Variants in TUBGCP5 observed in about 807,000 individuals in gnomAD.
The protein encoded by TUBGCP5 is tubulin gamma complex component 5.
A neutral mutation model predicts 134.7 loss-of-function variants in TUBGCP5; 98 were observed. That is an observed-to-expected ratio of 0.73 (90% CI 0.62 to 0.86). The LOEUF (loss-of-function observed/expected upper bound fraction) is 0.86, where lower values mean the gene tolerates loss of function less well. TUBGCP5 is among the 40% of genes least tolerant of loss of function. The probability of loss-of-function intolerance (pLI) is 0.00; values close to 1 mark genes in which losing one functional copy is unlikely to be tolerated. For missense variants in TUBGCP5, 1,150 were observed against 1,244.8 expected (o/e 0.92, Z 1.15); for synonymous variants, 456 against 431.4 (o/e 1.06, Z -0.71).
In TUBGCP5 at chr15:23,038,043, C is replaced by A. The variant is rs148042755; in HGVS notation, c.147-891G>T. Among the ~76,000 whole-genome samples, 194 of 152,324 alleles carry A rather than the reference C, an allele frequency of 1.3e-3. 3 individuals are homozygous for A. The East Asian group carries it at 0.028, about 22-fold the overall frequency. On this transcript the variant is annotated intron_variant, in intron 1 of 22. Transcript: ENST00000615383. ...CCTCCTAAAGTGCTGGGATTACAGGCGTGAGCCACCGCGCCCAGTCCACAA... is the reference window on the plus strand; with the variant it reads ...CCTCCTAAAGTGCTGGGATTACAGGAGTGAGCCACCGCGCCCAGTCCACAA...
Position 23,024,297 on chromosome 15 carries a change from A to G in TUBGCP5, c.922-104T>C, listed in dbSNP as rs11852309. 3,088 of 1,302,780 alleles carry G rather than the reference A, an allele frequency of 2.4e-3. 51 individuals carry two copies. In the African/African-American group the frequency reaches 0.031, roughly 13 times the overall value. 80.7% of individuals were successfully genotyped at this position (1,302,780 alleles called of 1,614,324 possible). A position where few individuals can be genotyped will look rare whatever the true frequency, so the allele number is the denominator to read the frequency against. On this transcript the variant is annotated intron_variant, in intron 9 of 22. Transcript: ENST00000615383. Reference sequence around the variant, plus strand: ...TACTTCTTTTGCAATTGTTTTAAACAGTATGTTTAGTAGAAGACAAAGTAA... The same window carrying G: ...TACTTCTTTTGCAATTGTTTTAAACGGTATGTTTAGTAGAAGACAAAGTAA...
At chr15:22,986,151 AATAAT>A (rs2063675544) in intron 23 of TUBGCP5, among the ~76,000 whole-genome samples, 1 of 146,768 alleles carries the variant, frequency 6.8e-6, no homozygotes, top group African/African-American at 2.5e-5. Flanking sequence ...AAAAAAAAAT[AATAAT>A]AATAATAAAA....
intron 10 of TUBGCP5, among the ~76,000 whole-genome samples, chr15:23,022,902 T>A (rs1374841009): frequency 6.6e-6 from 1 of 152,200 alleles, no homozygotes; most frequent in Non-Finnish European, 1.5e-5. Context: ...GCTGTCATAC[T>A]GGTGAAGACC....
At chr15:23,029,714 TC>T (rs2066192961) in intron 6 of TUBGCP5, among the ~76,000 whole-genome samples, 1 of 152,054 alleles carries the variant, frequency 6.6e-6, no homozygotes, top group Non-Finnish European at 1.5e-5. Flanking sequence ...TGAAACCCTG[TC>T]TCTACTAAAA....
At chr15:22,993,135 T>TCAGGCTCTCA (rs1207987506) in intron 23 of TUBGCP5, among the ~76,000 whole-genome samples, 1 of 152,212 alleles carries the variant, frequency 6.6e-6, no homozygotes, top group Non-Finnish European at 1.5e-5. Flanking sequence ...AGTCTCGCTC[T>TCAGGCTCTCA]GTCGCCCAGG....
rs567409685 is a variant in TUBGCP5, at chr15:23,027,875, G to A, written c.623-569C>T. On this transcript the variant is annotated intron_variant, in intron 6 of 22. Transcript: ENST00000615383. ...ACATAAAAAGATATAAATGGTATATGTTAATTGTCCAGTAACCATTAAGGA... is the reference window on the plus strand; with the variant it reads ...ACATAAAAAGATATAAATGGTATATATTAATTGTCCAGTAACCATTAAGGA... 5.8e-4 allele frequency among the ~76,000 whole-genome samples: 88 copies of A among 151,994 alleles called. No homozygotes were observed. In the South Asian group the frequency reaches 0.018, roughly 31 times the overall value.
At chr15:23,003,506 C>T (rs1163205109) in intron 20 of TUBGCP5, among the ~76,000 whole-genome samples, 1 of 152,148 alleles carries the variant, frequency 6.6e-6, no homozygotes, top group Non-Finnish European at 1.5e-5. Context: ...CATGCTATTG[C>T]TCCGCAACTG....
intron 8 of TUBGCP5, among the ~76,000 whole-genome samples, chr15:23,025,651 T>C (rs1314179870): frequency 6.6e-6 from 1 of 152,044 alleles, no homozygotes; most frequent in East Asian, 1.9e-4. Context: ...GCTAACATGG[T>C]GAAACCCCGT....
chr15:22,997,843 C>T (rs1307292921), downstream of TUBGCP5, among the ~76,000 whole-genome samples: 1 of 150,734 alleles, frequency 6.6e-6, no homozygotes, highest in Non-Finnish European at 1.5e-5. Flanking sequence ...GTCTCGAACT[C>T]CTGACCTCAT....
intron 19 of TUBGCP5, among the ~76,000 whole-genome samples, chr15:23,004,938 T>G (rs140201827): frequency 4.9e-4 from 74 of 152,352 alleles, no homozygotes; most frequent in African/African-American, 1.7e-3. Context: ...TTCCAATTTC[T>G]GAACGCTTCT....
At chr15:23,037,264 G>T in intron 1 of TUBGCP5, 112 bp from the exon 2 acceptor site, 1 of 1,011,238 alleles carries the variant, frequency 9.9e-7, no homozygotes, top group Non-Finnish European at 1.5e-6. Context: ...CACATTTCCA[G>T]AATGGAGTGT....
intron 14 of TUBGCP5, 43 bp from the exon 15 acceptor site, chr15:23,010,176 C>G: frequency 6.4e-7 from 1 of 1,571,398 alleles, no homozygotes; most frequent in Non-Finnish European, 8.7e-7. Flanking sequence ...GAGCTGCTGT[C>G]AACAGAACTC....
downstream of TUBGCP5, among the ~76,000 whole-genome samples, chr15:22,994,648 C>T (rs1022580413): frequency 5.9e-5 from 9 of 152,084 alleles, no homozygotes; most frequent in African/African-American, 1.9e-4. Context: ...GGCACTTATT[C>T]GTAAAGCCAC....
At chr15:22,986,686 T>C (rs2063690400) in intron 23 of TUBGCP5, among the ~76,000 whole-genome samples, 1 of 149,796 alleles carries the variant, frequency 6.7e-6, no homozygotes, top group Non-Finnish European at 1.5e-5. Context: ...TGCAGTGAGC[T>C]GAGATTGCGC....
chr15:23,019,152 T>G, intron 12 of TUBGCP5, 67 bp downstream of exon 12: 1 of 1,170,710 alleles, frequency 8.5e-7, no homozygotes, highest in East Asian at 2.5e-5. Context: ...ACGAAAGCAT[T>G]TGATTTTCAT....
intron 1 of TUBGCP5, among the ~76,000 whole-genome samples, chr15:23,038,079 T>C (rs942100713): frequency 6.6e-6 from 1 of 152,068 alleles, no homozygotes. Context: ...TTTTCAAGAA[T>C]GTAAACATGA....
chr15:22,989,812 A>G (rs1385993492), intron 23 of TUBGCP5, among the ~76,000 whole-genome samples: 1 of 152,168 alleles, frequency 6.6e-6, no homozygotes, highest in Non-Finnish European at 1.5e-5. Flanking sequence ...ACCTGACCCA[A>G]GTTGACTCGC....
chr15:23,000,435 C>T, intron 22 of TUBGCP5, 134 bp downstream of exon 22: 1 of 1,449,960 alleles, frequency 6.9e-7, no homozygotes, highest in Non-Finnish European at 9.1e-7. Flanking sequence ...CATGGGACAA[C>T]TGCTAAGGGA....
At chr15:23,004,548 AAATC>A (rs1190012757) in intron 19 of TUBGCP5, 1 of 218,516 alleles carries the variant, frequency 4.6e-6, no homozygotes, top group Non-Finnish European at 8.9e-6. Flanking sequence ...GATAAAAAAA[AAATC>A]AAGTAAATGT....
Sources: gnomAD v4.1 joint callset for allele counts (sites outside exome capture counted in the v4.1 genomes callset) on GRCh38, gnomAD v4.1.1 for gene constraint, MANE v1.5 for transcripts, NCBI Gene and HGNC (gene_info 2026-07-23, HGNC 2026-07-21) for gene names.